The following SPTLC2 variants were observed in gnomAD, a reference collection of about 807,000 sequenced individuals.
SPTLC2 encodes the protein serine palmitoyltransferase long chain base subunit 2.
SPTLC2 carries 21 observed loss-of-function variants against 62.0 expected under a neutral mutation model. The ratio of observed to expected loss-of-function variants is 0.34; its 90% CI spans 0.24 to 0.49. The LOEUF (loss-of-function observed/expected upper bound fraction) is 0.49, where lower values mean the gene tolerates loss of function less well. SPTLC2 is among the 20% of genes least tolerant of loss of function. The pLI, the probability that SPTLC2 is intolerant of heterozygous loss-of-function variation, is 0.99. For missense variants in SPTLC2, 511 were observed against 713.0 expected, an observed-to-expected ratio of 0.72 and a Z score of 3.23; for synonymous variants, 261 against 261.8, an observed-to-expected ratio of 1.00 and a Z score of 0.03.
At chr14:77,595,489 C>T (rs1367028968) in intron 2 of SPTLC2, among the ~76,000 whole-genome samples, 1 of 152,092 alleles carries the variant, frequency 6.6e-6, no homozygotes, top group East Asian at 1.9e-4. Flanking sequence ...ACTTATTTAC[C>T]TTCTTTGTGA....
rs2079323956 is a variant in SPTLC2, at chr14:77,509,919, T to C, written c.*2365A>G. 6 of 398,316 alleles carry C rather than the reference T, an allele frequency of 1.5e-5. No homozygotes were observed. Among genetic ancestry groups the C allele is most frequent in the Admixed American group, 8.8e-5 (2 of 22,706 alleles). 24.7% of individuals were successfully genotyped at this position (398,316 alleles called of 1,614,324 possible). A position where few individuals can be genotyped will look rare whatever the true frequency, so the allele number is the denominator to read the frequency against. The stretch of plus-strand genomic sequence containing the variant: ...ATATTTTAAATGCCGGTACTGACAT[T>C]TGAATTTGCAGTGACTTCATGCAAG... On this transcript the variant is annotated 3_prime_UTR_variant, in exon 12 of 12. Coordinates refer to ENST00000216484, the MANE Select transcript of SPTLC2 (RefSeq NM_004863.4).
intron 2 of SPTLC2, among the ~76,000 whole-genome samples, chr14:77,588,936 GCAGTGAGCTGAGAT>G (rs1281006668): frequency 1.4e-5 from 2 of 142,828 alleles, no homozygotes; most frequent in African/African-American, 5.3e-5. Context: ...GGTCGAGGCT[GCAGTGAGCTGAGAT>G]TGTGCCACTG....
At chr14:77,516,018 A>ATG (rs896893191) in intron 11 of SPTLC2, among the ~76,000 whole-genome samples, 249 of 24,402 alleles carry the variant, frequency 0.01, 1 homozygote, top group African/African-American at 0.013. Context: ...GCGCGCGCGC[A>ATG]TGTGTGTGTG....
At chr14:77,563,712 C>T (rs2079627367) in intron 5 of SPTLC2, among the ~76,000 whole-genome samples, 1 of 152,140 alleles carries the variant, frequency 6.6e-6, no homozygotes, top group South Asian at 2.1e-4. Context: ...AGGTGTGAGA[C>T]ACTGTGCCTG....
At chr14:77,567,616 T>C (rs1487095218) in intron 5 of SPTLC2, among the ~76,000 whole-genome samples, 1 of 152,262 alleles carries the variant, frequency 6.6e-6, no homozygotes, top group African/African-American at 2.4e-5. Flanking sequence ...CTGTTACTGG[T>C]AATATGCACC....
Position 77,616,627 on chromosome 14 carries a change from C to A in SPTLC2, c.-48G>T. On this transcript the variant is annotated 5_prime_UTR_variant, in exon 1 of 12. Transcript: ENST00000216484. ...AGGCAGGCTCTGTAGGCGGTGGCAG[C>A]GGCGGCGGCTGCTCCAAGTCCCGCT... The A allele has an allele frequency of 6.6e-7, 1 of 1,513,890 alleles. No homozygotes were observed. The highest frequency in any genetic ancestry group is 1.2e-5 in the South Asian group (1 of 83,584). 93.8% of individuals were successfully genotyped at this position (1,513,890 alleles called of 1,614,324 possible).
At chr14:77,586,186 G>A (rs558196209) in intron 2 of SPTLC2, among the ~76,000 whole-genome samples, 1 of 149,038 alleles carries the variant, frequency 6.7e-6, no homozygotes, top group Non-Finnish European at 1.5e-5. Flanking sequence ...AGCAATTCTC[G>A]TACCTCAGCC....
chr14:77,570,952 T>G (rs2079678750), intron 4 of SPTLC2, among the ~76,000 whole-genome samples: 1 of 151,722 alleles, frequency 6.6e-6, no homozygotes, highest in Non-Finnish European at 1.5e-5. Flanking sequence ...GAGAAAGACG[T>G]AAGGAGAGGG....
intron 9 of SPTLC2, among the ~76,000 whole-genome samples, chr14:77,535,176 C>T (rs1474744025): frequency 1.3e-5 from 2 of 152,186 alleles, no homozygotes; most frequent in African/African-American, 4.8e-5. Context: ...ATCTGCCCGC[C>T]TCGGCCTTCC....
intron 10 of SPTLC2, 59 bp downstream of exon 10, chr14:77,521,387 G>C (rs1353466812): frequency 6.2e-7 from 1 of 1,607,408 alleles, no homozygotes; most frequent in Non-Finnish European, 8.5e-7. Flanking sequence ...ATAAGCCCTG[G>C]TCTCACATCA....
At chr14:77,591,280 A>AT (rs2079814964) in intron 2 of SPTLC2, among the ~76,000 whole-genome samples, 1 of 152,218 alleles carries the variant, frequency 6.6e-6, no homozygotes, top group Non-Finnish European at 1.5e-5. Flanking sequence ...CCCGAATAGT[A>AT]AATCTACAGA....
At chr14:77,573,546 TAGG>T (rs1555376362) in intron 4 of SPTLC2, among the ~76,000 whole-genome samples, 4 of 152,016 alleles carry the variant, frequency 2.6e-5, no homozygotes, top group Non-Finnish European at 5.9e-5. Flanking sequence ...ATGAGGCCAT[TAGG>T]GGGATGCTAA....
rs2079334186 is a variant in SPTLC2 at position 77,511,932 on chromosome 14, G to A, written c.*352C>T. 2 of 338,106 alleles carry A rather than the reference G, an allele frequency of 5.9e-6. No individual in the cohort carries two copies. Among genetic ancestry groups the A allele is most frequent in the South Asian group, 2.5e-5 (1 of 39,646 alleles). The allele number at this position is 338,106 out of a possible 1,614,324, so 20.9% of individuals were successfully genotyped here. ...CAGCAGTAGCTCTTGATGGGCCCAA[G>A]TCTGCAAGGTGCTGGGAGAGGGGAA... On this transcript the variant is annotated 3_prime_UTR_variant, in exon 12 of 12. Coordinates refer to ENST00000216484, the MANE Select transcript of SPTLC2 (RefSeq NM_004863.4).
At chr14:77,558,287 C>G (rs192564837) in intron 6 of SPTLC2, among the ~76,000 whole-genome samples, 14 of 150,758 alleles carry the variant, frequency 9.3e-5, no homozygotes, top group African/African-American at 3.4e-4. Context: ...CTCAGGTGAT[C>G]CGCCTGCCTC....
At chr14:77,565,046 C>G (rs558257961) in intron 5 of SPTLC2, among the ~76,000 whole-genome samples, 5 of 151,716 alleles carry the variant, frequency 3.3e-5, no homozygotes, top group Non-Finnish European at 7.4e-5. Context: ...TTGAGACCAG[C>G]CTGGCCAACG....
At chr14:77,601,151 C>G (rs2079875176) in intron 1 of SPTLC2, among the ~76,000 whole-genome samples, 1 of 152,070 alleles carries the variant, frequency 6.6e-6, no homozygotes, top group Admixed American at 6.6e-5. Context: ...ATTGTCAGGC[C>G]TCTGAGCCCA....
At chr14:77,534,210 A>G (rs55710249) in intron 9 of SPTLC2, among the ~76,000 whole-genome samples, 1 of 148,222 alleles carries the variant, frequency 6.7e-6, no homozygotes, top group Non-Finnish European at 1.5e-5. Context: ...ACACACACAC[A>G]CACACACACA....
chr14:77,515,855 G>A (rs900237192), intron 11 of SPTLC2, among the ~76,000 whole-genome samples: 1 of 152,050 alleles, frequency 6.6e-6, no homozygotes, highest in African/African-American at 2.4e-5. Context: ...TTTATTACTA[G>A]GTATTTTCTT....
intron 3 of SPTLC2, 120 bp from the exon 4 acceptor site, chr14:77,577,035 T>A: frequency 9.8e-7 from 1 of 1,020,378 alleles, no homozygotes; most frequent in Non-Finnish European, 1.5e-6. Context: ...TAAAAAAATC[T>A]CAAACACACT....
Sources: gnomAD v4.1 joint callset for allele counts (sites outside exome capture counted in the v4.1 genomes callset) on GRCh38, gnomAD v4.1.1 for gene constraint, MANE v1.5 for transcripts, NCBI Gene and HGNC (gene_info 2026-07-23, HGNC 2026-07-21) for gene names.